STAB2: variants seen among roughly 807,000 people sequenced by gnomAD.
STAB2 encodes stabilin 2.
Under a neutral mutation model 338.1 loss-of-function variants are expected in STAB2, and 288 were observed. The ratio of observed to expected loss-of-function variants is 0.85; its 90% CI spans 0.77 to 0.94. STAB2 has a LOEUF of 0.94. Ranked by LOEUF, STAB2 falls within the 40% of genes least tolerant of loss-of-function variation. STAB2 has a pLI of 0.00. For synonymous variants in STAB2, 1,202 were observed against 1,193.3 expected (o/e 1.01, Z -0.15); for missense variants, 3,141 against 3,210.1 (o/e 0.98, Z 0.52).
At chr12:103,764,477 G>T (rs542507751) in intron 68 of STAB2, among the ~76,000 whole-genome samples, 4 of 152,252 alleles carry the variant, frequency 2.6e-5, no homozygotes, top group Admixed American at 2.0e-4. Context: ...AATCCAGGGG[G>T]ACCCCTTGGC....
At chr12:103,671,284 T>C (rs1875759387) in intron 22 of STAB2, among the ~76,000 whole-genome samples, 1 of 152,054 alleles carries the variant, frequency 6.6e-6, no homozygotes, top group Admixed American at 6.5e-5. Context: ...AAACCCCATC[T>C]CTACTAAAAA....
chr12:103,724,911 A>G (rs1400564583), intron 44 of STAB2, 64 bp from the exon 45 acceptor site: 1 of 1,584,446 alleles, frequency 6.3e-7, no homozygotes. Flanking sequence ...CTTTGTAAAT[A>G]TCGGTAGAGC....
At chr12:103,761,635 T>C (rs1884548513) in intron 66 of STAB2, among the ~76,000 whole-genome samples, 1 of 151,984 alleles carries the variant, frequency 6.6e-6, no homozygotes, top group Non-Finnish European at 1.5e-5. Context: ...CATTAATATC[T>C]GTTGAATGAA....
chr12:103,695,530 T>C lies in STAB2; in HGVS notation c.3376-20T>C. 1 of 1,613,638 alleles carries C rather than the reference T, an allele frequency of 6.2e-7. No homozygotes were observed. The highest frequency in any genetic ancestry group is 8.5e-7 in the Non-Finnish European group (1 of 1,179,692). ...TCCTACCAAAACATGCTAACAGGATTCTGGGGTTTCTTTTTTCAGGTGCTG... is the reference window on the plus strand; with the variant it reads ...TCCTACCAAAACATGCTAACAGGATCCTGGGGTTTCTTTTTTCAGGTGCTG... On this transcript the variant is annotated intron_variant, in intron 31 of 68. Transcript: ENST00000388887.
intron 9 of STAB2, among the ~76,000 whole-genome samples, chr12:103,643,918 C>T (rs1873113854): frequency 2.6e-5 from 2 of 75,504 alleles, no homozygotes; most frequent in Admixed American, 1.2e-4. Flanking sequence ...AAGTGAGGAG[C>T]CCCTCTGCCC....
At chr12:103,762,464 TGG>T in intron 67 of STAB2, 62 bp downstream of exon 67, 1 of 1,609,882 alleles carries the variant, frequency 6.2e-7, no homozygotes, top group Non-Finnish European at 8.5e-7. Flanking sequence ...TCCCTGGACC[TGG>T]GCTGCTTCAG....
chr12:103,690,856 G>A (rs1372381372), intron 30 of STAB2, among the ~76,000 whole-genome samples: 1 of 152,214 alleles, frequency 6.6e-6, no homozygotes, highest in African/African-American at 2.4e-5. Flanking sequence ...TTGACGTATA[G>A]TTGATTAAGA....
intron 64 of STAB2, 66 bp downstream of exon 64, chr12:103,758,355 G>A: frequency 2.5e-6 from 4 of 1,596,098 alleles, no homozygotes; most frequent in African/African-American, 2.7e-5. Flanking sequence ...ACAATGCTGT[G>A]TCACAAATTA....
chr12:103,612,100 C>T (rs1957132699), intron 3 of STAB2, among the ~76,000 whole-genome samples: 1 of 152,226 alleles, frequency 6.6e-6, no homozygotes, highest in Non-Finnish European at 1.5e-5. Flanking sequence ...CGACCTTTCT[C>T]TCTGGCTGCC....
intron 9 of STAB2, among the ~76,000 whole-genome samples, chr12:103,644,871 T>C (rs555096532): frequency 4.1e-4 from 63 of 152,384 alleles, no homozygotes; most frequent in Admixed American, 2.6e-3. Flanking sequence ...TTTGCCTTGA[T>C]ATGATTATTA....
chr12:103,763,209 C>A, intron 67 of STAB2: 1 of 335,720 alleles, frequency 3.0e-6, no homozygotes, highest in Non-Finnish European at 5.5e-6. Context: ...CCCTGGGTGG[C>A]AGGCACCAGC....
Position 103,712,493 on chromosome 12 carries a change from C to T in STAB2, c.4411+50C>T, listed in dbSNP as rs575703357. On this transcript the variant is annotated intron_variant, in intron 41 of 68. Transcript: ENST00000388887. The stretch of plus-strand genomic sequence containing the variant: ...GGGGGGCTGGCAAGGCTTGCACAGG[C>T]TATTGAGAGGTTCTTGTTCCTGCAG... The T allele has an allele frequency of 4.9e-5, 69 of 1,418,210 alleles. No homozygotes were observed. In the South Asian group the frequency reaches 7.2e-4, roughly 15 times the overall value. The allele number at this position is 1,418,210 out of a possible 1,614,324, so 87.9% of individuals were successfully genotyped here.
rs575323115 is a variant in STAB2 at position 103,601,274 on chromosome 12, G to GAA, written c.331+6773_331+6774dup. Among the ~76,000 whole-genome samples, 6 of 147,996 alleles carry GAA rather than the reference G, an allele frequency of 4.1e-5. No individual in the cohort carries two copies. The East Asian group carries it at 9.8e-4, about 24-fold the overall frequency. ...ATAAAGCAAGGGCAGCACAAAAGAG[G>GAA]AAAAAAAAAAGGGGGAGTCAAGAAA... is the stretch of plus-strand genomic sequence containing the variant. On this transcript the variant is annotated intron_variant, in intron 3 of 68. Coordinates refer to ENST00000388887, the MANE Select transcript of STAB2 (RefSeq NM_017564.10).
At position 103,689,963 on chromosome 12, in the gene STAB2, A is replaced by C; in HGVS notation, c.3163A>C (p.Asn1055His). The C allele has an allele frequency of 1.2e-6, 2 of 1,613,992 alleles. No homozygotes were observed. Among genetic ancestry groups the C allele is most frequent in the Non-Finnish European group, 1.7e-6 (2 of 1,179,928 alleles). ...GAAAAGCTTCTGGTTGTCACAGAGC[A>C]ATATTCCAGCCCTAATAAAGTAGGT... ...DEKSFWLSQS[N>H]IPALIKYHML... The change falls in exon 29 of 69, where the codon AAT becomes CAT. Residue 1055 changes from asparagine (N) to histidine (H), a missense_variant. By Grantham distance (68) the Asn-to-His change is moderately conservative (BLOSUM62 1). Transcript: ENST00000388887.
chr12:103,720,596 AAAC>A, intron 44 of STAB2, among the ~76,000 whole-genome samples: 1 of 152,366 alleles, frequency 6.6e-6, no homozygotes, highest in Middle Eastern at 3.4e-3. Context: ...TGGGCTAAAG[AAAC>A]AAAATAGTCC....
intron 44 of STAB2, among the ~76,000 whole-genome samples, chr12:103,722,702 T>G (rs1880859746): frequency 6.6e-6 from 1 of 152,058 alleles, no homozygotes; most frequent in South Asian, 2.1e-4. Context: ...TCTTTGTTCA[T>G]CTATACCTAG....
intron 25 of STAB2, among the ~76,000 whole-genome samples, chr12:103,679,664 C>CTTTCAGTTATAATCTT (rs1593225045): frequency 6.6e-6 from 1 of 152,160 alleles, no homozygotes; most frequent in East Asian, 1.9e-4. Context: ...TAACAGAAAA[C>CTTTCAGTTATAATCTT]TCAATTACTT....
At chr12:103,740,800 A>G in intron 55 of STAB2, 44 bp downstream of exon 55, 1 of 1,526,192 alleles carries the variant, frequency 6.6e-7, no homozygotes, top group Non-Finnish European at 8.7e-7. Context: ...AAGTGGTAAT[A>G]TGCTCCTGCT....
intron 63 of STAB2, among the ~76,000 whole-genome samples, chr12:103,757,030 TAA>T (rs1555254882): frequency 7.0e-6 from 1 of 143,072 alleles, no homozygotes; most frequent in Non-Finnish European, 1.5e-5. Flanking sequence ...TATATATATA[TAA>T]AATATATATA....
Sources: gnomAD v4.1 joint callset for allele counts (sites outside exome capture counted in the v4.1 genomes callset) on GRCh38, gnomAD v4.1.1 for gene constraint, MANE v1.5 for transcripts, NCBI Gene and HGNC (gene_info 2026-07-23, HGNC 2026-07-21) for gene names.